The following ATP2C1 variants were observed in gnomAD, a reference collection of about 807,000 sequenced individuals.
The protein encoded by ATP2C1 is ATPase secretory pathway Ca2+ transporting 1.
A neutral mutation model predicts 120.5 loss-of-function variants in ATP2C1; 31 were observed. That is an observed-to-expected ratio of 0.26 (90% CI 0.19 to 0.35). The LOEUF (loss-of-function observed/expected upper bound fraction) is 0.35. ATP2C1 is among the 10% of genes least tolerant of loss of function. The pLI, the probability that ATP2C1 is intolerant of heterozygous loss-of-function variation, is 1.00. For missense variants in ATP2C1, 731 were observed against 1,107.5 expected (o/e 0.66, Z 4.83); for synonymous variants, 351 against 358.7 (o/e 0.98, Z 0.24).
intron 2 of ATP2C1, among the ~76,000 whole-genome samples, chr3:130,904,309 T>A (rs576639667): frequency 6.6e-6 from 1 of 152,158 alleles, no homozygotes; most frequent in Non-Finnish European, 1.5e-5. Flanking sequence ...TTAGTTATCA[T>A]CATGTTAGTC....
intron 13 of ATP2C1, 122 bp from the exon 14 acceptor site, chr3:130,964,823 CAAT>C: frequency 1.5e-6 from 1 of 648,880 alleles, no homozygotes; most frequent in Non-Finnish European, 2.7e-6. Flanking sequence ...CTAAAATTAA[CAAT>C]GAGTTTGATT....
chr3:130,905,817 T>A (rs1471831911), intron 2 of ATP2C1, among the ~76,000 whole-genome samples: 2 of 152,094 alleles, frequency 1.3e-5, no homozygotes, highest in African/African-American at 2.4e-5. Flanking sequence ...TTAAAGGACA[T>A]GTGCTTTGGC....
intron 1 of ATP2C1, among the ~76,000 whole-genome samples, chr3:130,886,218 C>G (rs2068969136): frequency 6.6e-6 from 1 of 152,120 alleles, no homozygotes; most frequent in African/African-American, 2.4e-5. Flanking sequence ...TTTGGGAGCT[C>G]CATTTTATTT....
At chr3:130,885,392 AGTTGTTTTGT>A (rs1473590764) in intron 1 of ATP2C1, among the ~76,000 whole-genome samples, 1 of 151,858 alleles carries the variant, frequency 6.6e-6, no homozygotes, top group Non-Finnish European at 1.5e-5. Context: ...TGTGTTTTCT[AGTTGTTTTGT>A]GGTCTTCTCT....
At chr3:130,939,934 G>A (rs1369558940) in intron 6 of ATP2C1, among the ~76,000 whole-genome samples, 1 of 152,190 alleles carries the variant, frequency 6.6e-6, no homozygotes, top group African/African-American at 2.4e-5. Flanking sequence ...CTACAGACAT[G>A]AGGCAAAAAT....
chr3:130,996,632 A>G (rs773904958), intron 23 of ATP2C1, 48 bp from the exon 24 acceptor site: 1 of 1,253,394 alleles, frequency 8.0e-7, no homozygotes, highest in Non-Finnish European at 1.2e-6. Flanking sequence ...TCATAGAATC[A>G]ACAGATTTAC....
At chr3:130,867,124 C>CT (rs2068204542) in intron 1 of ATP2C1, among the ~76,000 whole-genome samples, 1 of 152,180 alleles carries the variant, frequency 6.6e-6, no homozygotes, top group African/African-American at 2.4e-5. Flanking sequence ...TGTGTGCTGA[C>CT]TTCTCCACTG....
Position 130,894,152 on chromosome 3 carries a change from C to A in ATP2C1, c.-366C>A. 1 of 560,238 alleles carries A rather than the reference C, an allele frequency of 1.8e-6. No individual in the cohort carries two copies. The highest frequency in any genetic ancestry group is 2.3e-6 in the Non-Finnish European group (1 of 441,396). The allele number at this position is 560,238 out of a possible 1,614,324, so 34.7% of individuals were successfully genotyped here. The stretch of plus-strand genomic sequence containing the variant: ...GGTCCCCTCACCTCCTCTTCTCTCC[C>A]CTCCCCGCCCGCCCTCTCTCCCTCC... On this transcript the variant is annotated 5_prime_UTR_variant, in exon 1 of 28. Coordinates refer to ENST00000510168, the MANE Select transcript of ATP2C1 (RefSeq NM_001378687.1). The surrounding 1 kb of genome is among the most constrained non-coding windows in gnomAD (Gnocchi z 4.5).
intron 17 of ATP2C1, among the ~76,000 whole-genome samples, chr3:130,969,716 C>T (rs2108679650): frequency 6.6e-6 from 1 of 152,246 alleles, no homozygotes; most frequent in African/African-American, 2.4e-5. Flanking sequence ...ATGACAGTTC[C>T]TTATAAGGTC....
chr3:130,960,399 A>G (rs1349447958), intron 12 of ATP2C1, among the ~76,000 whole-genome samples: 3 of 152,184 alleles, frequency 2.0e-5, no homozygotes, highest in African/African-American at 7.2e-5. Flanking sequence ...CTCGTGTTCT[A>G]TGAGAGACGT....
chr3:130,936,808 C>A, intron 5 of ATP2C1, among the ~76,000 whole-genome samples: 1 of 120,756 alleles, frequency 8.3e-6, no homozygotes, highest in African/African-American at 2.8e-5. Context: ...TAGAGCAAGA[C>A]TCTGTCTCAA....
chr3:130,962,858 C>T (rs531441025), intron 12 of ATP2C1: 1 of 151,690 alleles, frequency 6.6e-6, no homozygotes, highest in East Asian at 1.9e-4. Flanking sequence ...TATTGTTTAG[C>T]CAATAATGTT....
intron 8 of ATP2C1, among the ~76,000 whole-genome samples, chr3:130,950,372 G>A (rs1199772977): frequency 6.6e-6 from 1 of 152,042 alleles, no homozygotes; most frequent in Non-Finnish European, 1.5e-5. Context: ...CTGTCATGGG[G>A]CTGCCTGATT....
In ATP2C1 at chr3:130,871,835, A is replaced by G. The variant is rs913611709; in HGVS notation, c.108+20907A>G. On this transcript the variant is annotated intron_variant, in intron 1 of 26. Coordinates refer to the ATP2C1 transcript ENST00000504381. ...AAGGAGTTCCAGACCAGCCTGGCCAATGTGGTGAAACCCCATCTCTATTAA... is the reference window on the plus strand; with the variant it reads ...AAGGAGTTCCAGACCAGCCTGGCCAGTGTGGTGAAACCCCATCTCTATTAA... 2.6e-5 allele frequency among the ~76,000 whole-genome samples: 4 copies of G among 152,246 alleles called. No individual in the cohort carries two copies. The East Asian group carries it at 5.8e-4, about 22-fold the overall frequency.
At chr3:130,964,178 T>G in intron 13 of ATP2C1, 83 bp downstream of exon 13, 2 of 1,577,256 alleles carry the variant, frequency 1.3e-6, no homozygotes, top group Non-Finnish European at 1.7e-6. Flanking sequence ...TTACAGTTTT[T>G]ATCTTAGAGA....
At chr3:130,968,482 G>A (rs1404560642) in intron 16 of ATP2C1, among the ~76,000 whole-genome samples, 1 of 152,108 alleles carries the variant, frequency 6.6e-6, no homozygotes, top group Non-Finnish European at 1.5e-5. Flanking sequence ...GGGCTTTGAA[G>A]GATAGGAAGG....
At chr3:130,971,105 C>T (rs1262553990) in intron 17 of ATP2C1, among the ~76,000 whole-genome samples, 1 of 152,218 alleles carries the variant, frequency 6.6e-6, no homozygotes, top group Non-Finnish European at 1.5e-5. Flanking sequence ...CCCTTAACCA[C>T]ATAGTTATAT....
At chr3:131,014,201 C>T (rs1431073394) in intron 26 of ATP2C1, 8 of 1,612,886 alleles carry the variant, frequency 5.0e-6, no homozygotes, top group Non-Finnish European at 3.4e-6. Context: ...GTTTCTTCTG[C>T]CTTTTTTTTT....
chr3:130,956,263 A>AC, intron 11 of ATP2C1, 84 bp downstream of exon 11: 1 of 791,604 alleles, frequency 1.3e-6, no homozygotes, highest in Non-Finnish European at 2.0e-6. Context: ...AGTTTTATTT[A>AC]TTGGCTTTTC....
Sources: gnomAD v4.1 joint callset for allele counts (sites outside exome capture counted in the v4.1 genomes callset) on GRCh38, gnomAD v4.1.1 for gene constraint, Gnocchi (gnomAD v3.1) non-coding constraint, MANE v1.5 for transcripts, NCBI Gene and HGNC (gene_info 2026-07-23, HGNC 2026-07-21) for gene names.